CHTF18: variants seen among roughly 807,000 people sequenced by gnomAD.
CHTF18 encodes chromosome transmission fidelity factor 18, also known as chromosome transmission fidelity protein 18 homolog.
Under a neutral mutation model 113.4 loss-of-function variants are expected in CHTF18, and 151 were observed. The observed-to-expected ratio is 1.33, with a 90% CI of 1.17 to 1.52. The LOEUF (loss-of-function observed/expected upper bound fraction) is 1.52. CHTF18 is among the 40% of genes most tolerant of loss of function. The probability of loss-of-function intolerance (pLI) is 0.00; values close to 1 mark genes in which losing one functional copy is unlikely to be tolerated. For missense variants in CHTF18, 1,982 were observed against 1,381.6 expected (o/e 1.43, Z -6.89); for synonymous variants, 916 against 598.8 (o/e 1.53, Z -7.74).
rs1314770424 is a variant in CHTF18, at chr16:797,031, C to G, written c.2672C>G (p.Ala891Gly). The G allele has an allele frequency of 6.4e-7, 1 of 1,560,544 alleles. No homozygotes were observed. Among genetic ancestry groups the G allele is most frequent in the Non-Finnish European group, 8.7e-7 (1 of 1,153,290 alleles). Reference sequence around the variant, plus strand: ...GGGGAGAAAGGGGTGCACCGACCTGCCCCACGCAACCATGAGCAGCGGCTG... The same window carrying G: ...GGGGAGAAAGGGGTGCACCGACCTGGCCCACGCAACCATGAGCAGCGGCTG... ...GIGEKGVHRP[A>G]PRNHEQRLEH... Residue 891 changes from alanine (A) to glycine (G), a missense_variant, in exon 20 of 22, where the codon GCC (alanine) becomes GGC (glycine). Physicochemically the swap from Ala to Gly is moderately conservative, Grantham distance 60. Coordinates refer to ENST00000262315, the MANE Select transcript of CHTF18 (RefSeq NM_022092.3).
Position 795,813 on chromosome 16 carries a change from T to G in CHTF18, c.2304T>G (p.Ile768Met). 6.2e-7 allele frequency: 1 copy of G among 1,609,586 alleles called. No individual in the cohort carries two copies. Among genetic ancestry groups the G allele is most frequent in the Non-Finnish European group, 8.5e-7 (1 of 1,178,840 alleles). Residue 768 changes from isoleucine (I) to methionine (M), a missense_variant, in exon 17 of 22, where the codon ATT becomes ATG. Physicochemically the swap from Ile to Met is conservative, Grantham distance 10. Transcript: ENST00000262315. ...ATGCCCTCTGCCTGCTCCTGGACATTCTTGCACCCAAGCTCCGCCCCGTGA... is the reference window on the plus strand; with the variant it reads ...ATGCCCTCTGCCTGCTCCTGGACATGCTTGCACCCAAGCTCCGCCCCGTGA... Reference protein sequence around the residue: ...LLDALCLLLDILAPKLRPVST... With the variant: ...LLDALCLLLDMLAPKLRPVST...
chr16:791,688 C>A lies in CHTF18; in HGVS notation c.1105-163C>A, dbSNP rs760566167. 12 of 1,427,890 alleles carry A rather than the reference C, an allele frequency of 8.4e-6. No homozygotes were observed. The Admixed American group carries it at 9.1e-5, about 11-fold the overall frequency. 88.5% of individuals were successfully genotyped at this position (1,427,890 alleles called of 1,614,324 possible). ...TTGTGTAGGTTTTTTTTTCCGTTGCCATCTTGGTGTGTGAAAGTGCTCAAT... is the reference window on the plus strand; with the variant it reads ...TTGTGTAGGTTTTTTTTTCCGTTGCAATCTTGGTGTGTGAAAGTGCTCAAT... On this transcript the variant is annotated intron_variant, in intron 8 of 21. Coordinates refer to ENST00000262315, the MANE Select transcript of CHTF18 (RefSeq NM_022092.3).
chr16:797,728 G>A lies in CHTF18; in HGVS notation c.2768G>A (p.Arg923Lys), dbSNP rs755262762. 1.2e-6 allele frequency: 2 copies of A among 1,611,294 alleles called. No individual in the cohort carries two copies. The highest frequency in any genetic ancestry group is 1.1e-5 in the South Asian group (1 of 91,004). ...GACTTCTTTGGACGTGTGGTCGTCA[G>A]GAGCACAGCAGTCCCGAGTGCAGGT... Reference protein sequence around the residue: ...EKDFFGRVVVRSTAVPSAGDT... With the variant: ...EKDFFGRVVVKSTAVPSAGDT... The change falls in exon 21 of 22, where the codon AGG (arginine) becomes AAG (lysine). Residue 923 changes from arginine (R) to lysine (K), a missense_variant. Physicochemically the swap from Arg to Lys is conservative, Grantham distance 26. Coordinates refer to ENST00000262315, the MANE Select transcript of CHTF18 (RefSeq NM_022092.3).
At position 791,233 on chromosome 16, in the gene CHTF18, C is replaced by T. The variant is rs199878079; in HGVS notation, c.967C>T (p.Arg323Trp). The T allele has an allele frequency of 4.3e-5, 69 of 1,610,966 alleles. 1 individual carries two copies. The highest frequency in any genetic ancestry group is 1.2e-4 in the South Asian group (11 of 90,748). The change falls in exon 8 of 22, where the codon CGG (arginine) becomes TGG (tryptophan). Residue 323 changes from arginine (R) to tryptophan (W), a missense_variant. By Grantham distance (101) the Arg-to-Trp change is moderately radical. Transcript: ENST00000262315. ...LVVFGHERPS[R>W]KPRPSVEPAR... ...GGTGTTTGGCCACGAGAGGCCTTCC[C>T]GGAAGCCCAGGCCCAGTGTTGAGCC...
At chr16:796,607 T>G in intron 18 of CHTF18, 110 bp from the exon 19 acceptor site, 16 of 1,312,032 alleles carry the variant, frequency 1.2e-5, no homozygotes, top group Non-Finnish European at 1.6e-5. Flanking sequence ...AGCCCCACAT[T>G]CCTGCTCTGG....
rs377505482 is a variant in CHTF18, at chr16:791,330, T to C, written c.1064T>C (p.Leu355Pro). The C allele has an allele frequency of 6.2e-6, 10 of 1,609,132 alleles. No homozygotes were observed. In the African/African-American group the frequency reaches 1.3e-4, roughly 21 times the overall value. The change falls in exon 8 of 22, where the codon CTG becomes CCG. Residue 355 changes from leucine (L) to proline (P), a missense_variant. Physicochemically the swap from Leu to Pro is moderately conservative, Grantham distance 98. Transcript: ENST00000262315. ...CACGAACAGGTGCTGGAGGAGATGC[T>C]GGAGGCTGGGCTGGACCCGAGCCAG... ...KSHEQVLEEMLEAGLDPSQRP... is the reference protein window; with the variant it reads ...KSHEQVLEEMPEAGLDPSQRP...
intron 15 of CHTF18, 166 bp from the exon 16 acceptor site, chr16:794,966 C>G: frequency 1.6e-6 from 1 of 613,794 alleles, no homozygotes; most frequent in South Asian, 2.0e-5. Context: ...GTGTGTGCTG[C>G]TGCCTCAGAC....
At chr16:792,165 G>A in intron 9 of CHTF18, 59 bp from the exon 10 acceptor site, 2 of 1,535,398 alleles carry the variant, frequency 1.3e-6, no homozygotes, top group South Asian at 2.4e-5. Context: ...CCCGGCCTTG[G>A]GAGGCTGCCC....
chr16:793,300 C>T, intron 14 of CHTF18, 26 bp downstream of exon 14: 2 of 1,603,054 alleles, frequency 1.2e-6, no homozygotes, highest in Non-Finnish European at 1.7e-6. Flanking sequence ...AGCCTCGGCC[C>T]AGATGCTCAC....
chr16:796,311 C>A (rs1350168262), intron 18 of CHTF18, among the ~76,000 whole-genome samples: 10 of 152,364 alleles, frequency 6.6e-5, no homozygotes, highest in African/African-American at 2.4e-4. Flanking sequence ...CTTAGCACCC[C>A]CACATGGAAC....
In CHTF18 at chr16:796,789, C is replaced by G. The variant is rs2042360463; in HGVS notation, c.2529C>G (p.Leu843=). Residue 843 remains leucine (L), a synonymous_variant, in exon 19 of 22, where the codon CTC becomes CTG. Coordinates refer to ENST00000262315, the MANE Select transcript of CHTF18 (RefSeq NM_022092.3). ...RKPLTYQTKQ[L]IAREIEVEKM... The stretch of plus-strand genomic sequence containing the variant: ...CCCTCACCTACCAGACGAAGCAGCT[C>G]ATCGCCCGCGAGATCGAGGTGGAGA... The G allele has an allele frequency of 6.2e-7, 1 of 1,610,844 alleles. No individual in the cohort carries two copies.
chr16:789,423 C>T, intron 3 of CHTF18, 63 bp downstream of exon 3: 5 of 1,535,028 alleles, frequency 3.3e-6, no homozygotes, highest in Non-Finnish European at 2.6e-6. Context: ...TGGAGCCCAT[C>T]CCGTGCCCTG....
At chr16:789,987 C>A in intron 4 of CHTF18, 190 bp from the exon 5 acceptor site, 1 of 1,535,252 alleles carries the variant, frequency 6.5e-7, no homozygotes, top group Non-Finnish European at 8.7e-7. Context: ...CCTAAAGCTG[C>A]CCCCAATTTC....
At chr16:791,446 G>T in intron 8 of CHTF18, 76 bp downstream of exon 8, 1 of 1,486,382 alleles carries the variant, frequency 6.7e-7, no homozygotes, top group South Asian at 1.3e-5. Flanking sequence ...GCAGCCTGTT[G>T]ACTTTCTCCA....
chr16:794,076 G>T lies in CHTF18; in HGVS notation c.1825G>T (p.Ala609Ser), dbSNP rs377736001. 1 of 1,611,652 alleles carries T rather than the reference G, an allele frequency of 6.2e-7. No homozygotes were observed. Among genetic ancestry groups the T allele is most frequent in the South Asian group, 1.1e-5 (1 of 91,028 alleles). Reference sequence around the variant, plus strand: ...CAGGCGCCGTGTGGGCCAGGACCCCGCCCTGCCTGCTGACACACTCCTGCT... The same window carrying T: ...CAGGCGCCGTGTGGGCCAGGACCCCTCCCTGCCTGCTGACACACTCCTGCT... ...AQRRRVGQDP[A>S]LPADTLLLGD... The change falls in exon 15 of 22, where the codon GCC (alanine) becomes TCC (serine). Residue 609 changes from alanine to serine, a missense_variant. Physicochemically the swap from Ala to Ser is moderately conservative, Grantham distance 99 (BLOSUM62 1). Coordinates refer to ENST00000262315, the MANE Select transcript of CHTF18 (RefSeq NM_022092.3).
intron 3 of CHTF18, 90 bp from the exon 4 acceptor site, chr16:789,457 G>C (rs1009974118): frequency 1.1e-5 from 17 of 1,536,482 alleles, no homozygotes; most frequent in Non-Finnish European, 1.5e-5. Flanking sequence ...GGGTGGGGAG[G>C]GTTCCATGGC....
intron 7 of CHTF18, chr16:790,897 C>T (rs2042179069): frequency 3.5e-6 from 5 of 1,432,944 alleles, no homozygotes; most frequent in Non-Finnish European, 4.5e-6. Flanking sequence ...ATCCAAGTCT[C>T]TGTTCCCTTT....
intron 4 of CHTF18, 151 bp downstream of exon 4, chr16:789,866 C>G (rs117084002): frequency 7.5e-7 from 1 of 1,331,726 alleles, no homozygotes; most frequent in African/African-American, 1.5e-5. Flanking sequence ...GGGGCGTAGA[C>G]TTAGAGGACA....
intron 4 of CHTF18, 123 bp from the exon 5 acceptor site, chr16:790,054 C>A: frequency 6.5e-7 from 1 of 1,536,640 alleles, no homozygotes; most frequent in Non-Finnish European, 8.7e-7. Context: ...TGTCCAGTCT[C>A]CCACCCCTCA....
Sources: allele counts gnomAD v4.1 joint callset (sites outside exome capture counted in the v4.1 genomes callset), GRCh38; gene constraint gnomAD v4.1.1; transcripts MANE v1.5; gene names NCBI Gene and HGNC (gene_info 2026-07-23, HGNC 2026-07-21).